The following CPS1 variants were observed in gnomAD, a reference collection of about 807,000 sequenced individuals.
The protein encoded by CPS1 is carbamoyl-phosphate synthase 1.
A neutral mutation model predicts 174.6 loss-of-function variants in CPS1; 109 were observed. The observed-to-expected ratio is 0.62, with a 90% CI of 0.53 to 0.73. The LOEUF is 0.73. CPS1 is among the 30% of genes least tolerant of loss of function. The pLI, the probability that CPS1 is intolerant of heterozygous loss-of-function variation, is 0.00. For synonymous variants in CPS1, 637 were observed against 632.0 expected, an observed-to-expected ratio of 1.01 and a Z score of -0.12; for missense variants, 1,689 against 1,821.9, an observed-to-expected ratio of 0.93 and a Z score of 1.33.
At chr2:210,618,427 T>C (rs1323366781) in intron 21 of CPS1, 2 of 152,086 alleles carry the variant, frequency 1.3e-5, no homozygotes. Flanking sequence ...GTCTATTATA[T>C]AGCAAAAGCT....
intron 21 of CPS1, among the ~76,000 whole-genome samples, chr2:210,629,375 C>T (rs1267674540): frequency 1.3e-5 from 2 of 151,836 alleles, no homozygotes; most frequent in African/African-American, 2.4e-5. Flanking sequence ...AGTGCAGTGG[C>T]GCGATCTCGG....
At chr2:210,490,310 T>G (rs1410067242) in intron 1 of CPS1, among the ~76,000 whole-genome samples, 1 of 151,200 alleles carries the variant, frequency 6.6e-6, no homozygotes, top group Admixed American at 6.6e-5. Context: ...GAGACTGTAA[T>G]TGTGCACAAT....
chr2:210,555,696 G>A (rs1412036765), upstream of CPS1: 6 of 455,218 alleles, frequency 1.3e-5, no homozygotes, highest in Non-Finnish European at 2.2e-5. Flanking sequence ...CTTTGCAAGG[G>A]TATCAAAGAA....
intron 6 of CPS1, among the ~76,000 whole-genome samples, chr2:210,584,433 G>T (rs1424829962): frequency 6.6e-6 from 1 of 152,120 alleles, no homozygotes; most frequent in African/African-American, 2.4e-5. Context: ...AGAAAGGAAG[G>T]AGTAGAAAAT....
chr2:210,503,145 A>G (rs1275118020), intron 1 of CPS1, among the ~76,000 whole-genome samples: 1 of 152,206 alleles, frequency 6.6e-6, no homozygotes, highest in Non-Finnish European at 1.5e-5. Flanking sequence ...GAGAAGCTCT[A>G]GAGATTCCAC....
chr2:210,572,354 C>T (rs1312260415), intron 1 of CPS1, among the ~76,000 whole-genome samples: 2 of 151,846 alleles, frequency 1.3e-5, no homozygotes, highest in African/African-American at 2.4e-5. Flanking sequence ...TTTTAAAAAC[C>T]ACATTCTAAT....
intron 36 of CPS1, among the ~76,000 whole-genome samples, chr2:210,676,064 T>C (rs1701522408): frequency 6.6e-6 from 1 of 152,258 alleles, no homozygotes; most frequent in Admixed American, 6.5e-5. Context: ...TTAGTAAGGA[T>C]ACTTTCCTTG....
chr2:210,566,641 G>C (rs980973723), intron 1 of CPS1, among the ~76,000 whole-genome samples: 1 of 152,156 alleles, frequency 6.6e-6, no homozygotes, highest in African/African-American at 2.4e-5. Context: ...GAGGTTATAA[G>C]TCAAACAGAC....
chr2:210,571,301 A>G (rs1697471659), intron 1 of CPS1, among the ~76,000 whole-genome samples: 1 of 151,944 alleles, frequency 6.6e-6, no homozygotes, highest in African/African-American at 2.4e-5. Flanking sequence ...AGATAATTTG[A>G]TAAGCCTAGT....
intron 28 of CPS1, 83 bp from the exon 29 acceptor site, chr2:210,653,942 T>TA: frequency 2.8e-6 from 3 of 1,084,910 alleles, no homozygotes; most frequent in Non-Finnish European, 4.3e-6. Flanking sequence ...CTGATACTTA[T>TA]AATACTTAAA....
intron 9 of CPS1, among the ~76,000 whole-genome samples, chr2:210,591,356 T>A (rs572394878): frequency 2.2e-4 from 33 of 152,172 alleles, no homozygotes; most frequent in African/African-American, 7.9e-4. Context: ...TCTTGGTTTC[T>A]CTTTTTTGCC....
At chr2:210,577,773 A>T (rs980324418) in intron 4 of CPS1, among the ~76,000 whole-genome samples, 3 of 152,152 alleles carry the variant, frequency 2.0e-5, no homozygotes, top group East Asian at 1.9e-4. Flanking sequence ...GAGGGGTAAG[A>T]TAAAATTTTA....
chr2:210,537,024 A>G lies in CPS1; in HGVS notation c.4-19695A>G, dbSNP rs149269410. Among the ~76,000 whole-genome samples, 29 of 152,326 alleles carry G rather than the reference A, an allele frequency of 1.9e-4. No homozygotes were observed. In the East Asian group the frequency reaches 5.2e-3, roughly 27 times the overall value. ...GAACACACCAGAAAACCAAAAAGATATAAAGTCCACCATTCACTTCCTTAA... is the reference window on the plus strand; with the variant it reads ...GAACACACCAGAAAACCAAAAAGATGTAAAGTCCACCATTCACTTCCTTAA... On this transcript the variant is annotated intron_variant, in intron 1 of 38. Transcript: ENST00000430249.
intron 8 of CPS1, among the ~76,000 whole-genome samples, 188 bp from the exon 9 acceptor site, chr2:210,590,612 G>A (rs1698261565): frequency 6.6e-6 from 1 of 152,024 alleles, no homozygotes; most frequent in Non-Finnish European, 1.5e-5. Flanking sequence ...TAGTTTGAAT[G>A]TAAAGTACAT....
At chr2:210,642,913 A>G (rs1392128876) in intron 25 of CPS1, among the ~76,000 whole-genome samples, 4 of 152,166 alleles carry the variant, frequency 2.6e-5, no homozygotes, top group African/African-American at 9.6e-5. Flanking sequence ...TTTCTTTCTA[A>G]GGGTTTCAGC....
chr2:210,584,284 T>G (rs980145118), intron 6 of CPS1, among the ~76,000 whole-genome samples: 1 of 152,054 alleles, frequency 6.6e-6, no homozygotes, highest in African/African-American at 2.4e-5. Context: ...GGTTCTACCT[T>G]GGGGTTTATT....
In CPS1 at chr2:210,587,909, A is replaced by G; in HGVS notation, c.622-149A>G. The G allele has an allele frequency of 8.9e-6, 7 of 782,758 alleles. 1 individual carries two copies. The South Asian group carries it at 9.6e-5, about 11-fold the overall frequency. The allele number at this position is 782,758 out of a possible 1,614,324, so 48.5% of individuals were successfully genotyped here. ...GGCACTTGTTGTGCCTTTCTTACAA[A>G]CTGTTTGTTAACTGCCAGTCACTCC... On this transcript the variant is annotated intron_variant, in intron 6 of 37. Transcript: ENST00000233072.
intron 1 of CPS1, among the ~76,000 whole-genome samples, chr2:210,568,187 T>G (rs1000693345): frequency 2.0e-5 from 3 of 152,040 alleles, no homozygotes; most frequent in Non-Finnish European, 4.4e-5. Context: ...AAATCAGTGA[T>G]TAATTCTGAT....
chr2:210,564,519 G>A (rs892837732), intron 1 of CPS1, among the ~76,000 whole-genome samples: 1 of 152,098 alleles, frequency 6.6e-6, no homozygotes, highest in Non-Finnish European at 1.5e-5. Context: ...GGGACTACAG[G>A]TGCCTGCCAC....
Sources: allele counts gnomAD v4.1 joint callset (sites outside exome capture counted in the v4.1 genomes callset), GRCh38; gene constraint gnomAD v4.1.1; transcripts MANE v1.5; gene names NCBI Gene and HGNC (gene_info 2026-07-23, HGNC 2026-07-21).